NFAT5: variants seen among roughly 807,000 people sequenced by gnomAD.
The protein encoded by NFAT5 is nuclear factor of activated T-cells 5.
A neutral mutation model predicts 166.5 loss-of-function variants in NFAT5; 31 were observed. That is an observed-to-expected ratio of 0.19 (90% CI 0.14 to 0.25). The LOEUF is 0.25. NFAT5 is among the 10% of genes least tolerant of loss of function. The probability of loss-of-function intolerance (pLI) is 1.00; values close to 1 mark genes in which losing one functional copy is unlikely to be tolerated. For missense variants in NFAT5, 1,449 were observed against 1,821.8 expected (o/e 0.80, Z 3.72); for synonymous variants, 612 against 639.7 (o/e 0.96, Z 0.65).
chr16:69,672,279 G>T (rs554778160), intron 9 of NFAT5, among the ~76,000 whole-genome samples: 1 of 152,262 alleles, frequency 6.6e-6, no homozygotes, highest in Admixed American at 6.5e-5. Flanking sequence ...ATCTCCTAGG[G>T]TTTATAGTCA....
At chr16:69,683,108 G>A (rs1231550454) in intron 10 of NFAT5, among the ~76,000 whole-genome samples, 1 of 152,210 alleles carries the variant, frequency 6.6e-6, no homozygotes, top group Non-Finnish European at 1.5e-5. Context: ...CTACTGGGGA[G>A]GCTAAGGCAG....
chr16:69,572,884 C>T (rs937073698), intron 2 of NFAT5, among the ~76,000 whole-genome samples: 1 of 152,024 alleles, frequency 6.6e-6, no homozygotes, highest in Non-Finnish European at 1.5e-5. Flanking sequence ...CACTCTGTTG[C>T]CAGGCTGGAG....
At chr16:69,621,530 C>T (rs1266313860) in intron 2 of NFAT5, among the ~76,000 whole-genome samples, 1 of 152,110 alleles carries the variant, frequency 6.6e-6, no homozygotes, top group African/African-American at 2.4e-5. Context: ...CATTCTGTTT[C>T]TTCGTATCTT....
chr16:69,566,364 C>T lies in NFAT5; in HGVS notation c.63C>T (p.Leu21=). The T allele has an allele frequency of 6.2e-7, 1 of 1,601,234 alleles. No homozygotes were observed. Among genetic ancestry groups the T allele is most frequent in the Non-Finnish European group, 8.5e-7 (1 of 1,173,288 alleles). The change falls in exon 1 of 15, where the codon CTC becomes CTT. Residue 21 remains leucine (L), a synonymous_variant. Transcript: ENST00000349945. The surrounding 1 kb of genome is among the most constrained non-coding windows in gnomAD (Gnocchi z 5.7). ...TAGACCTGGAATCGCCCAAGTCCCTCTACTCGCGAGGTGAGTCAGGCTGTG... is the reference window on the plus strand; with the variant it reads ...TAGACCTGGAATCGCCCAAGTCCCTTTACTCGCGAGGTGAGTCAGGCTGTG... ...ADLDLESPKS[L]YSRDSLKLHP...
intron 2 of NFAT5, among the ~76,000 whole-genome samples, chr16:69,574,440 TA>T (rs1251150604): frequency 1.1e-4 from 16 of 152,298 alleles, no homozygotes; most frequent in African/African-American, 3.6e-4. Context: ...AAGTCAAGTT[TA>T]AATAAACTAA....
chr16:69,672,205 T>A (rs1226852035), intron 9 of NFAT5, among the ~76,000 whole-genome samples: 1 of 152,220 alleles, frequency 6.6e-6, no homozygotes, highest in Non-Finnish European at 1.5e-5. Flanking sequence ...TGCAACTACA[T>A]GTTGTGGAAA....
intron 2 of NFAT5, among the ~76,000 whole-genome samples, chr16:69,618,595 T>G (rs1215135222): frequency 6.6e-6 from 1 of 152,204 alleles, no homozygotes; most frequent in Non-Finnish European, 1.5e-5. Flanking sequence ...TTTAGAATAT[T>G]TAATGTGAAA....
In NFAT5 at chr16:69,698,319, G is replaced by A. The variant is rs1038744971; in HGVS notation, c.*1968G>A. On this transcript the variant is annotated 3_prime_UTR_variant, in exon 15 of 15. Coordinates refer to ENST00000349945, the MANE Select transcript of NFAT5 (RefSeq NM_138713.4). ...TCATTTTTTTGGAAAGCTATATTTTGTATTTAGGAAATGGTATACTATTTT... is the reference window on the plus strand; with the variant it reads ...TCATTTTTTTGGAAAGCTATATTTTATATTTAGGAAATGGTATACTATTTT... 27 of 152,396 alleles carry A rather than the reference G, an allele frequency of 1.8e-4. No individual in the cohort carries two copies. Among genetic ancestry groups the A allele is most frequent in the African/African-American group, 5.3e-4 (22 of 41,482 alleles). 9.4% of individuals were successfully genotyped at this position (152,396 alleles called of 1,614,324 possible).
At chr16:69,681,472 A>G (rs981694718) in intron 10 of NFAT5, among the ~76,000 whole-genome samples, 10 of 152,226 alleles carry the variant, frequency 6.6e-5, no homozygotes, top group Non-Finnish European at 1.3e-4. Context: ...AAGCTGGGCT[A>G]TGGTAGCATG....
chr16:69,600,150 G>GAA (rs35475393), intron 2 of NFAT5, among the ~76,000 whole-genome samples: 25 of 141,836 alleles, frequency 1.8e-4, no homozygotes, highest in African/African-American at 5.2e-4. Context: ...ATTTCTCTGG[G>GAA]AAAAAAAAAA....
At chr16:69,657,082 A>C (rs2035911242) in intron 6 of NFAT5, among the ~76,000 whole-genome samples, 1 of 152,058 alleles carries the variant, frequency 6.6e-6, no homozygotes, top group Non-Finnish European at 1.5e-5. Flanking sequence ...AGCCATTTTA[A>C]ATAGATTGGT....
intron 11 of NFAT5, among the ~76,000 whole-genome samples, chr16:69,687,423 A>G (rs2037352161): frequency 6.8e-6 from 1 of 146,070 alleles, no homozygotes; most frequent in Admixed American, 7.0e-5. Flanking sequence ...CTTGGGCAAT[A>G]GAGCAAGACT....
chr16:69,600,586 G>A (rs1451988402), intron 2 of NFAT5, among the ~76,000 whole-genome samples: 3 of 152,054 alleles, frequency 2.0e-5, no homozygotes, highest in African/African-American at 7.2e-5. Flanking sequence ...CTTTTCTTGA[G>A]CCCAAAGAGG....
intron 2 of NFAT5, among the ~76,000 whole-genome samples, chr16:69,617,455 C>T (rs1470034578): frequency 2.6e-5 from 4 of 151,346 alleles, no homozygotes; most frequent in Admixed American, 2.0e-4. Context: ...TCCATTCTGT[C>T]TTTCATGCTA....
At chr16:69,624,895 CTT>C (rs72033932) in intron 2 of NFAT5, among the ~76,000 whole-genome samples, 1 of 142,570 alleles carries the variant, frequency 7.0e-6, no homozygotes, top group Non-Finnish European at 1.5e-5. Context: ...TCTAATTGTT[CTT>C]TTTTTTAAAA....
Position 69,655,756 on chromosome 16 carries a change from G to A in NFAT5, c.1153G>A (p.Val385Ile). 1 of 1,613,832 alleles carries A rather than the reference G, an allele frequency of 6.2e-7. No homozygotes were observed. Among genetic ancestry groups the A allele is most frequent in the Non-Finnish European group, 8.5e-7 (1 of 1,179,844 alleles). The change falls in exon 6 of 15, where the codon GTT (valine) becomes ATT (isoleucine). Residue 385 changes from valine (V) to isoleucine (I), a missense_variant. Around this residue, in one of 7 missense-constraint regions of NFAT5, gnomAD observed 245 missense variants for 366.6 expected, o/e 0.67. Transcript: ENST00000349945. ...CKEVDIEGTTVIEVGLDPSNN... is the reference protein window; with the variant it reads ...CKEVDIEGTTIIEVGLDPSNN... ...AGAAGTGGACATTGAAGGCACTACTGTTATAGAAGTCGGCCTTGATCCTAG... is the reference window on the plus strand; with the variant it reads ...AGAAGTGGACATTGAAGGCACTACTATTATAGAAGTCGGCCTTGATCCTAG...
rs1041177622 is a variant in NFAT5 at position 69,607,123 on chromosome 16, G to A, written c.128-19280G>A. Among the ~76,000 whole-genome samples, 9 of 152,106 alleles carry A rather than the reference G, an allele frequency of 5.9e-5. No individual in the cohort carries two copies. The South Asian group carries it at 6.2e-4, about 11-fold the overall frequency. On this transcript the variant is annotated intron_variant, in intron 2 of 14. Coordinates refer to ENST00000349945, the MANE Select transcript of NFAT5 (RefSeq NM_138713.4). ...TGCTTACAACTCTACAAGGTAGATA[G>A]GTATTACCACTGTATTATAAATGAG...
chr16:69,587,287 C>T lies in NFAT5; in HGVS notation c.127+18739C>T, dbSNP rs914921920. 4.6e-5 allele frequency among the ~76,000 whole-genome samples: 7 copies of T among 151,756 alleles called. No homozygotes were observed. In the East Asian group the frequency reaches 7.7e-4, roughly 17 times the overall value. ...ACGGAGTTTCACCATGTTGGCCAGG[C>T]TGGTCTTGAACTCCCAACCCTCAGG... On this transcript the variant is annotated intron_variant, in intron 2 of 14. Coordinates refer to ENST00000349945, the MANE Select transcript of NFAT5 (RefSeq NM_138713.4).
Position 69,657,965 on chromosome 16 carries a change from G to C in NFAT5, c.1197-1762G>C, listed in dbSNP as rs537511780. On this transcript the variant is annotated intron_variant, in intron 6 of 14. Transcript: ENST00000349945. Reference sequence around the variant, plus strand: ...CCAGGCGTGGTGGCGGGCGCCTGTAGTCCCAGCTACTCCAGAGGCTGAGGC... The same window carrying C: ...CCAGGCGTGGTGGCGGGCGCCTGTACTCCCAGCTACTCCAGAGGCTGAGGC... Among the ~76,000 whole-genome samples the C allele has an allele frequency of 2.1e-3, 306 of 144,978 alleles. 2 individuals are homozygous for C. Among genetic ancestry groups the C allele is most frequent in the African/African-American group, 5.2e-3 (207 of 39,560 alleles).
Sources: allele counts gnomAD v4.1 joint callset (sites outside exome capture counted in the v4.1 genomes callset), GRCh38; gene constraint gnomAD v4.1.1; regional missense constraint gnomAD v4.1.1; non-coding constraint Gnocchi (gnomAD v3.1); transcripts MANE v1.5; gene names NCBI Gene and HGNC (gene_info 2026-07-23, HGNC 2026-07-21).